LRFN1: variants seen among roughly 807,000 people sequenced by gnomAD.
LRFN1 encodes leucine rich repeat and fibronectin type III domain containing 1, also known as leucine-rich repeat and fibronectin type III domain-containing protein 1.
A neutral mutation model predicts 31.8 loss-of-function variants in LRFN1; 20 were observed. The ratio of observed to expected loss-of-function variants is 0.63; its 90% confidence interval spans 0.44 to 0.91. The LOEUF (loss-of-function observed/expected upper bound fraction) is 0.91. LRFN1 is among the 40% of genes least tolerant of loss of function. The pLI is 0.00. For missense variants in LRFN1, 912 were observed against 1,129.8 expected, an observed-to-expected ratio of 0.81 and a Z score of 2.76; for synonymous variants, 514 against 541.3, an observed-to-expected ratio of 0.95 and a Z score of 0.70.
Position 39,308,283 on chromosome 19 carries a change from T to C in LRFN1, c.1666A>G (p.Met556Val), listed in dbSNP as rs1257940411. ...ASVLVFIVLLMIRYKVYGDGD... is the reference protein window; with the variant it reads ...ASVLVFIVLLVIRYKVYGDGD... ...TCGCCATACACCTTATAGCGGATCA[T>C]GAGCAGAACGATGAAGACGAGGACC... is the stretch of plus-strand genomic sequence containing the variant. The change falls in exon 5 of 5, where the codon ATG (methionine) becomes GTG (valine). Residue 556 changes from methionine (M) to valine (V), a missense_variant. Around this residue, in one of 2 missense-constraint regions of LRFN1, gnomAD observed 511 missense variants for 557.0 expected, o/e 0.92. Coordinates refer to ENST00000248668, the MANE Select transcript of LRFN1 (RefSeq NM_020862.2). The surrounding 1 kb of genome is among the most constrained non-coding windows in gnomAD (Gnocchi z 6.2). The C allele has an allele frequency of 6.2e-7, 1 of 1,613,192 alleles. No homozygotes were observed. Among genetic ancestry groups the C allele is most frequent in the Non-Finnish European group, 8.5e-7 (1 of 1,179,664 alleles).
In LRFN1 at chr19:39,315,742, C is replaced by T. The variant is rs2075170258; in HGVS notation, c.-38+340G>A. Among the ~76,000 whole-genome samples the T allele has an allele frequency of 6.6e-6, 1 of 152,098 alleles. No homozygotes were observed. Among genetic ancestry groups the T allele is most frequent in the Non-Finnish European group, 1.5e-5 (1 of 68,016 alleles). On this transcript the variant is annotated intron_variant, in intron 3 of 4. Transcript: ENST00000248668. This position sits in a 1 kb window ranked among gnomAD's most constrained non-coding sequence, Gnocchi z 4.7. ...GCTGAAGCACGAGAATCGCTTGAAC[C>T]AGGGAGGTGGAGGTTGCAGTGAGCC...
At position 39,315,385 on chromosome 19, in the gene LRFN1, G is replaced by A; in HGVS notation, c.-37-12C>T. 1 of 1,418,410 alleles carries A rather than the reference G, an allele frequency of 7.1e-7. No homozygotes were observed. The highest frequency in any genetic ancestry group is 1.5e-5 in the South Asian group (1 of 67,218). The allele number at this position is 1,418,410 out of a possible 1,614,324, so 87.9% of individuals were successfully genotyped here. On this transcript the variant is annotated splice_polypyrimidine_tract_variant and intron_variant, in intron 3 of 4. Coordinates refer to ENST00000248668, the MANE Select transcript of LRFN1 (RefSeq NM_020862.2). This position sits in a 1 kb window ranked among gnomAD's most constrained non-coding sequence, Gnocchi z 4.7. Reference sequence around the variant, plus strand: ...GTGGGAGGTGAGACCTGCCGGGGAAGGAGCCGGTTACCCAGGCGTGGGACT... The same window carrying A: ...GTGGGAGGTGAGACCTGCCGGGGAAAGAGCCGGTTACCCAGGCGTGGGACT...
chr19:39,313,114 G>A (rs928787926), intron 4 of LRFN1, among the ~76,000 whole-genome samples: 2 of 152,198 alleles, frequency 1.3e-5, no homozygotes, highest in African/African-American at 4.8e-5. Context: ...CCCCACCAGG[G>A]CAATGGCTTC....
Position 39,315,034 on chromosome 19 carries a change from G to A in LRFN1, c.303C>T (p.Ile101=). The stretch of plus-strand genomic sequence containing the variant: ...CGAAGGCGCCAGCTGCCACCTGGCC[G>A]ATGGTGTTCCGGGAGAGAGTGAGGT... ...LVHLTLSRNT[I]GQVAAGAFAD... The change falls in exon 4 of 5, where the codon ATC becomes ATT. Residue 101 remains isoleucine, a synonymous_variant. Coordinates refer to ENST00000248668, the MANE Select transcript of LRFN1 (RefSeq NM_020862.2). This position sits in a 1 kb window ranked among gnomAD's most constrained non-coding sequence, Gnocchi z 4.7. 1 of 1,595,110 alleles carries A rather than the reference G, an allele frequency of 6.3e-7. No homozygotes were observed. Among genetic ancestry groups the A allele is most frequent in the South Asian group, 1.1e-5 (1 of 89,880 alleles).
chr19:39,307,868 G>C lies in LRFN1; in HGVS notation c.2081C>G (p.Ala694Gly). The C allele has an allele frequency of 6.5e-7, 1 of 1,527,090 alleles. No homozygotes were observed. The highest frequency in any genetic ancestry group is 8.7e-7 in the Non-Finnish European group (1 of 1,143,876). The allele number at this position is 1,527,090 out of a possible 1,614,324, so 94.6% of individuals were successfully genotyped here. A position where few individuals can be genotyped will look rare whatever the true frequency, so the allele number is the denominator to read the frequency against. Residue 694 changes from alanine to glycine, a missense_variant, in exon 5 of 5, where the codon GCC (alanine) becomes GGC (glycine). By Grantham distance (60) the Ala-to-Gly change is moderately conservative (BLOSUM62 0). This residue lies in a region of LRFN1 where 511 missense variants were observed against 557.0 expected (regional missense o/e 0.92). Transcript: ENST00000248668. The surrounding 1 kb of genome is among the most constrained non-coding windows in gnomAD (Gnocchi z 6.7). ...PPTLALVPGGAAARPRPQQRY... is the reference protein window; with the variant it reads ...PPTLALVPGGGAARPRPQQRY... ...CTGCTGCGGCCTCGGCCGGGCCGCGGCTCCCCCAGGAACTAGAGCTAGAGT... is the reference window on the plus strand; with the variant it reads ...CTGCTGCGGCCTCGGCCGGGCCGCGCCTCCCCCAGGAACTAGAGCTAGAGT...
chr19:39,307,947 C>T lies in LRFN1; in HGVS notation c.2002G>A (p.Gly668Ser). The part of the protein sequence containing the change: ...TSGEESRAAV[G>S]PRRSRSGALE... The stretch of plus-strand genomic sequence containing the variant: ...GCGCCGGATCGGCTCCTTCGAGGGC[C>T]CACCGCGGCCCGAGACTCCTCCCCG... The change falls in exon 5 of 5, where the codon GGC becomes AGC. Residue 668 changes from glycine (G) to serine (S), a missense_variant. By Grantham distance (56) the Gly-to-Ser change is moderately conservative. Coordinates refer to ENST00000248668, the MANE Select transcript of LRFN1 (RefSeq NM_020862.2). The surrounding 1 kb of genome is among the most constrained non-coding windows in gnomAD (Gnocchi z 6.7). 6.4e-7 allele frequency: 1 copy of T among 1,570,340 alleles called. No homozygotes were observed. The highest frequency in any genetic ancestry group is 1.1e-5 in the South Asian group (1 of 87,082).
chr19:39,307,606 C>A lies in LRFN1; in HGVS notation c.*27G>T, dbSNP rs2075133577. 1.4e-6 allele frequency: 2 copies of A among 1,380,264 alleles called. No individual in the cohort carries two copies. The highest frequency in any genetic ancestry group is 3.0e-5 in the East Asian group (1 of 32,934). 85.5% of individuals were successfully genotyped at this position (1,380,264 alleles called of 1,614,324 possible). A position where few individuals can be genotyped will look rare whatever the true frequency, so the allele number is the denominator to read the frequency against. The stretch of plus-strand genomic sequence containing the variant: ...CGGCTGGGCGTTTGGTCTGCGGCAC[C>A]CAGGCGTCCCGGCGCCCGCCCGCCG... On this transcript the variant is annotated 3_prime_UTR_variant, in exon 5 of 5. Coordinates refer to ENST00000248668, the MANE Select transcript of LRFN1 (RefSeq NM_020862.2). This position sits in a 1 kb window ranked among gnomAD's most constrained non-coding sequence, Gnocchi z 6.7.
intron 2 of LRFN1, among the ~76,000 whole-genome samples, chr19:39,317,520 T>C (rs1418802164): frequency 3.9e-5 from 6 of 151,976 alleles, no homozygotes; most frequent in African/African-American, 1.5e-4. Context: ...ACAGCTGGGG[T>C]AGGACTCAAA....
intron 1 of LRFN1, among the ~76,000 whole-genome samples, chr19:39,319,388 C>A (rs2075181104): frequency 6.6e-6 from 1 of 151,958 alleles, no homozygotes; most frequent in Admixed American, 6.6e-5. Flanking sequence ...TCACACATCT[C>A]CATGTTGCAA....
rs1359575475 is a variant in LRFN1, at chr19:39,315,096, G to T, written c.241C>A (p.Arg81Ser). 1 of 1,594,060 alleles carries T rather than the reference G, an allele frequency of 6.3e-7. No individual in the cohort carries two copies. The highest frequency in any genetic ancestry group is 8.5e-7 in the Non-Finnish European group (1 of 1,177,738). ...GTCATGTTGGCGAAGTCTCGGCGGC[G>T]CACGGCGGCGATGAAGTTGTCGGTG... The part of the protein sequence containing the change: ...RLTDNFIAAV[R>S]RRDFANMTSL... Residue 81 changes from arginine to serine, a missense_variant, in exon 4 of 5, where the codon CGC becomes AGC. This residue lies in a region of LRFN1 where 401 missense variants were observed against 572.7 expected (regional missense o/e 0.70). Coordinates refer to ENST00000248668, the MANE Select transcript of LRFN1 (RefSeq NM_020862.2). The surrounding 1 kb of genome is among the most constrained non-coding windows in gnomAD (Gnocchi z 4.7).
chr19:39,317,485 A>G (rs1312051753), intron 2 of LRFN1, among the ~76,000 whole-genome samples: 1 of 152,168 alleles, frequency 6.6e-6, no homozygotes, highest in East Asian at 1.9e-4. Context: ...AGTCTATGAA[A>G]CAGAAGTCCA....
intron 2 of LRFN1, among the ~76,000 whole-genome samples, chr19:39,316,572 G>A (rs1014917486): frequency 6.6e-6 from 1 of 152,160 alleles, no homozygotes; most frequent in Admixed American, 6.5e-5. Flanking sequence ...GAGGGACTGA[G>A]GAAAACACAT....
intron 4 of LRFN1, among the ~76,000 whole-genome samples, chr19:39,311,008 C>T (rs1215670627): frequency 1.3e-5 from 2 of 152,200 alleles, no homozygotes; most frequent in Non-Finnish European, 2.9e-5. Context: ...TGGCTTTAAG[C>T]CTTCCTCCTC....
chr19:39,318,148 T>A (rs779977201), intron 2 of LRFN1, among the ~76,000 whole-genome samples, 178 bp downstream of exon 2: 1 of 152,202 alleles, frequency 6.6e-6, no homozygotes, highest in Non-Finnish European at 1.5e-5. Context: ...TTGATGTTCC[T>A]GACCTTGTCA....
rs922844042 is a variant in LRFN1, at chr19:39,307,255, G to A, written c.*378C>T. On this transcript the variant is annotated 3_prime_UTR_variant, in exon 5 of 5. Coordinates refer to ENST00000248668, the MANE Select transcript of LRFN1 (RefSeq NM_020862.2). This position sits in a 1 kb window ranked among gnomAD's most constrained non-coding sequence, Gnocchi z 6.7. ...TACAAGAAATGGGCCCCTCGCCCCGGCCCCGGGTGACGGGCTGGGGGAGGG... is the reference window on the plus strand; with the variant it reads ...TACAAGAAATGGGCCCCTCGCCCCGACCCCGGGTGACGGGCTGGGGGAGGG... 16 of 398,228 alleles carry A rather than the reference G, an allele frequency of 4.0e-5. No individual in the cohort carries two copies. The highest frequency in any genetic ancestry group is 6.6e-5 in the Non-Finnish European group (15 of 225,914). The allele number at this position is 398,228 out of a possible 1,614,324, so 24.7% of individuals were successfully genotyped here. A position where few individuals can be genotyped will look rare whatever the true frequency, so the allele number is the denominator to read the frequency against.
chr19:39,314,595 T>C lies in LRFN1; in HGVS notation c.742A>G (p.Ser248Gly). 2 of 1,610,336 alleles carry C rather than the reference T, an allele frequency of 1.2e-6. No individual in the cohort carries two copies. The change falls in exon 4 of 5, where the codon AGC becomes GGC. Residue 248 changes from serine to glycine, a missense_variant. Physicochemically the swap from Ser to Gly is moderately conservative, Grantham distance 56 (BLOSUM62 0). Coordinates refer to ENST00000248668, the MANE Select transcript of LRFN1 (RefSeq NM_020862.2). ...GPKPPTPLTV[S>G]FGGNPLHCNC... ...CAGTGCAGGGGGTTGCCGCCGAAGC[T>C]GACGGTCAGCGGGGTGGGCGGCTTG...
At position 39,307,827 on chromosome 19, in the gene LRFN1, C is replaced by G. The variant is rs780955035; in HGVS notation, c.2122G>C (p.Gly708Arg). 4.7e-6 allele frequency: 7 copies of G among 1,495,742 alleles called. No individual in the cohort carries two copies. Among genetic ancestry groups the G allele is most frequent in the Non-Finnish European group, 5.3e-6 (6 of 1,128,902 alleles). The allele number at this position is 1,495,742 out of a possible 1,614,324, so 92.7% of individuals were successfully genotyped here. A position where few individuals can be genotyped will look rare whatever the true frequency, so the allele number is the denominator to read the frequency against. ...PRPQQRYSFD[G>R]DYGALFQSHS... ...CTCTGGAATAGTGCCCCGTAGTCCC[C>G]GTCGAACGAATAGCGCTGCTGCGGC... The change falls in exon 5 of 5, where the codon GGG becomes CGG. Residue 708 changes from glycine to arginine, a missense_variant. This residue lies in a region of LRFN1 where 511 missense variants were observed against 557.0 expected (regional missense o/e 0.92). Transcript: ENST00000248668. The surrounding 1 kb of genome is among the most constrained non-coding windows in gnomAD (Gnocchi z 6.7).
At chr19:39,317,603 C>T (rs776299263) in intron 2 of LRFN1, among the ~76,000 whole-genome samples, 6 of 152,202 alleles carry the variant, frequency 3.9e-5, no homozygotes, top group East Asian at 3.9e-4. Context: ...GGACAGAATC[C>T]GCCCTACTGC....
rs2075129845 is a variant in LRFN1, at chr19:39,306,753, AC to A, written c.*879del. Reference sequence around the variant, plus strand: ...CCAACACACACACACACACACACACACACACACACACACACACACTACACGC... The same window carrying A: ...CCAACACACACACACACACACACACAACACACACACACACACACTACACGC... On this transcript the variant is annotated 3_prime_UTR_variant, in exon 5 of 5. Transcript: ENST00000248668. The A allele has an allele frequency of 6.5e-6, 1 of 153,510 alleles. No homozygotes were observed. The highest frequency in any genetic ancestry group is 2.4e-5 in the African/African-American group (1 of 41,234). 9.5% of individuals were successfully genotyped at this position (153,510 alleles called of 1,614,324 possible). A position where few individuals can be genotyped will look rare whatever the true frequency, so the allele number is the denominator to read the frequency against.
Sources: gnomAD v4.1 joint callset for allele counts (sites outside exome capture counted in the v4.1 genomes callset) on GRCh38, gnomAD v4.1.1 for gene constraint, gnomAD v4.1.1 regional missense constraint, Gnocchi (gnomAD v3.1) non-coding constraint, MANE v1.5 for transcripts, NCBI Gene and HGNC (gene_info 2026-07-23, HGNC 2026-07-21) for gene names.